The following PDE11A variants were observed in gnomAD, a reference collection of about 807,000 sequenced individuals.
PDE11A encodes dual 3',5'-cyclic-AMP and -GMP phosphodiesterase 11A.
In PDE11A, 100 loss-of-function variants were observed where a neutral mutation model predicts 100.5. The ratio of observed to expected loss-of-function variants is 1.00; its 90% confidence interval spans 0.85 to 1.18. The LOEUF is 1.18. PDE11A is among the 50% of genes most tolerant of loss of function. The pLI is 0.00. For missense variants in PDE11A, 1,141 were observed against 1,152.6 expected (o/e 0.99, Z 0.15); for synonymous variants, 381 against 420.8 (o/e 0.91, Z 1.16).
intron 6 of PDE11A, among the ~76,000 whole-genome samples, chr2:177,834,922 G>A (rs1229334543): frequency 6.6e-6 from 1 of 151,740 alleles, no homozygotes; most frequent in Admixed American, 6.6e-5. Context: ...TCTCTCCCTT[G>A]TTGGAGGAGA....
chr2:177,865,902 T>A (rs1448530661), intron 5 of PDE11A, among the ~76,000 whole-genome samples: 2 of 152,012 alleles, frequency 1.3e-5, no homozygotes, highest in African/African-American at 4.8e-5. Flanking sequence ...TTTGGAGTGA[T>A]GAAAATGTTC....
At chr2:177,951,020 T>G (rs2085499280) in intron 2 of PDE11A, among the ~76,000 whole-genome samples, 1 of 152,240 alleles carries the variant, frequency 6.6e-6, no homozygotes, top group Non-Finnish European at 1.5e-5. Context: ...ACAATTAACA[T>G]TATTGATATA....
intron 6 of PDE11A, among the ~76,000 whole-genome samples, chr2:177,827,610 C>A (rs1174272926): frequency 6.6e-6 from 1 of 152,166 alleles, no homozygotes; most frequent in Non-Finnish European, 1.5e-5. Flanking sequence ...CTTAGACTGA[C>A]TAAATAATGG....
At chr2:177,850,565 C>G (rs1391781550) in intron 5 of PDE11A, among the ~76,000 whole-genome samples, 1 of 151,916 alleles carries the variant, frequency 6.6e-6, no homozygotes, top group Non-Finnish European at 1.5e-5. Context: ...AGCTTCTGCA[C>G]AGCAAAAGAA....
chr2:177,670,935 A>G (rs2080669785), intron 17 of PDE11A, among the ~76,000 whole-genome samples: 1 of 152,148 alleles, frequency 6.6e-6, no homozygotes, highest in Admixed American at 6.6e-5. Flanking sequence ...AGCCTCTTGT[A>G]TATGTGCCTG....
intron 1 of PDE11A, among the ~76,000 whole-genome samples, chr2:178,035,529 G>A (rs2086602276): frequency 6.6e-6 from 1 of 152,134 alleles, no homozygotes; most frequent in South Asian, 2.1e-4. Context: ...CATTTTATGA[G>A]GCCAGCATCA....
intron 2 of PDE11A, among the ~76,000 whole-genome samples, chr2:178,084,223 G>A (rs2087321728): frequency 6.6e-6 from 1 of 152,212 alleles, no homozygotes; most frequent in Non-Finnish European, 1.5e-5. Context: ...AAAAGACCAT[G>A]TTTATTCTAA....
intron 9 of PDE11A, among the ~76,000 whole-genome samples, chr2:177,811,093 C>T (rs1161468135): frequency 2.6e-5 from 4 of 152,060 alleles, no homozygotes; most frequent in Admixed American, 6.6e-5. Flanking sequence ...TGAAAGACAC[C>T]CCAAAGGACA....
chr2:177,940,490 T>C (rs956101789), intron 2 of PDE11A, among the ~76,000 whole-genome samples: 1 of 152,240 alleles, frequency 6.6e-6, no homozygotes, highest in African/African-American at 2.4e-5. Flanking sequence ...GAAGGTAGGA[T>C]TTCAGCAGCT....
intron 2 of PDE11A, 111 bp from the exon 3 acceptor site, chr2:177,905,298 T>A: frequency 1.6e-6 from 1 of 637,560 alleles, no homozygotes; most frequent in Non-Finnish European, 2.8e-6. Flanking sequence ...TTTATTTGCA[T>A]CTATAGAGAT....
At chr2:178,001,621 T>C (rs2086146432) in intron 2 of PDE11A, among the ~76,000 whole-genome samples, 1 of 152,218 alleles carries the variant, frequency 6.6e-6, no homozygotes, top group Admixed American at 6.5e-5. Context: ...TAATAAAGTA[T>C]GAAAATCTAG....
At chr2:177,937,319 CTT>C (rs33967413) in intron 2 of PDE11A, among the ~76,000 whole-genome samples, 10,147 of 125,584 alleles carry the variant, frequency 0.081, 319 homozygotes, top group South Asian at 0.11. Context: ...AAATTGAAAG[CTT>C]TTTTTTTTTT....
intron 6 of PDE11A, among the ~76,000 whole-genome samples, chr2:177,822,098 C>A (rs1023206567): frequency 1.3e-5 from 2 of 151,802 alleles, no homozygotes; most frequent in African/African-American, 4.8e-5. Context: ...ATGATATAGG[C>A]AAATATTTCA....
At position 177,629,113 on chromosome 2, in the gene PDE11A, AG is replaced by A. The variant is rs1198888411; in HGVS notation, c.*293del. ...CAGAGTAAGTAGGCCGACTGTCCACAGGTCCTTGGATCCAAAACAGTCCCCT... is the reference window on the plus strand; with the variant it reads ...CAGAGTAAGTAGGCCGACTGTCCACAGTCCTTGGATCCAAAACAGTCCCCT... On this transcript the variant is annotated 3_prime_UTR_variant, in exon 20 of 20. Transcript: ENST00000286063. The A allele has an allele frequency of 8.8e-5, 40 of 452,612 alleles. No individual in the cohort carries two copies. Among genetic ancestry groups the A allele is most frequent in the African/African-American group, 7.3e-4 (37 of 50,694 alleles). 28.0% of individuals were successfully genotyped at this position (452,612 alleles called of 1,614,324 possible).
chr2:178,069,000 A>G (rs938583598), intron 1 of PDE11A, among the ~76,000 whole-genome samples: 4 of 152,220 alleles, frequency 2.6e-5, no homozygotes, highest in African/African-American at 9.6e-5. Flanking sequence ...CATGGAAAAG[A>G]TTAGGCTGGT....
At chr2:177,906,965 T>C (rs904350357) in intron 2 of PDE11A, among the ~76,000 whole-genome samples, 10 of 152,216 alleles carry the variant, frequency 6.6e-5, no homozygotes, top group African/African-American at 2.4e-4. Flanking sequence ...ATTTTAACTT[T>C]CCACTACTTA....
chr2:177,763,931 C>G (rs868314853), intron 10 of PDE11A, among the ~76,000 whole-genome samples: 1 of 152,196 alleles, frequency 6.6e-6, no homozygotes, highest in Non-Finnish European at 1.5e-5. Context: ...GCCCTGCACC[C>G]GCCTGCTGTG....
At chr2:178,013,200 C>T (rs115573736) in intron 2 of PDE11A, among the ~76,000 whole-genome samples, 6 of 152,142 alleles carry the variant, frequency 3.9e-5, no homozygotes, top group African/African-American at 1.4e-4. Context: ...TGATTCTTGT[C>T]TCCTGCCTTG....
chr2:177,764,399 G>A (rs2082212025), intron 10 of PDE11A, among the ~76,000 whole-genome samples: 1 of 152,160 alleles, frequency 6.6e-6, no homozygotes, highest in African/African-American at 2.4e-5. Flanking sequence ...AGGAAGGGAT[G>A]ATACAAGGTG....
Sources: gnomAD v4.1 joint callset for allele counts (sites outside exome capture counted in the v4.1 genomes callset) on GRCh38, gnomAD v4.1.1 for gene constraint, MANE v1.5 for transcripts, NCBI Gene and HGNC (gene_info 2026-07-23, HGNC 2026-07-21) for gene names.